Variants in LRR1 observed in about 807,000 individuals in gnomAD.
The protein encoded by LRR1 is leucine-rich repeat protein 1.
A neutral mutation model predicts 31.6 loss-of-function variants in LRR1; 29 were observed. That is an observed-to-expected ratio of 0.92 (90% CI 0.68 to 1.25). The LOEUF (loss-of-function observed/expected upper bound fraction) is 1.25. Ranked by LOEUF, LRR1 falls within the 50% of genes most tolerant of loss-of-function variation. The probability of loss-of-function intolerance (pLI) is 0.00; values close to 1 mark genes in which losing one functional copy is unlikely to be tolerated. For missense variants in LRR1, 485 were observed against 487.2 expected, an observed-to-expected ratio of 1.00 and a Z score of 0.04; for synonymous variants, 179 against 181.4, an observed-to-expected ratio of 0.99 and a Z score of 0.10.
chr14:49,602,211 G>A (rs893357074), intron 1 of LRR1, among the ~76,000 whole-genome samples, 159 bp from the exon 2 acceptor site: 3 of 145,110 alleles, frequency 2.1e-5, no homozygotes, highest in African/African-American at 5.2e-5. Flanking sequence ...GTGCAGTGGC[G>A]TGATAAAAAG....
intron 3 of LRR1, 120 bp downstream of exon 3, chr14:49,608,241 A>G (rs1882362106): frequency 8.5e-6 from 9 of 1,053,878 alleles, no homozygotes; most frequent in South Asian, 8.5e-5. Context: ...ACCCTTTGCT[A>G]TAATGGTCTT....
Position 49,614,631 on chromosome 14 carries a change from T to G in LRR1, c.*135T>G. 8.2e-7 allele frequency: 1 copy of G among 1,223,842 alleles called. No individual in the cohort carries two copies. Among genetic ancestry groups the G allele is most frequent in the Non-Finnish European group, 1.2e-6 (1 of 848,832 alleles). The allele number at this position is 1,223,842 out of a possible 1,614,324, so 75.8% of individuals were successfully genotyped here. On this transcript the variant is annotated 3_prime_UTR_variant, in exon 4 of 4. Transcript: ENST00000298288. ...GGAGGAATGTGTATAGTTACTCATT[T>G]AGATGACTCCAAAACTTTTATTAAA...
At chr14:49,601,099 A>G in intron 1 of LRR1, 5 of 1,611,350 alleles carry the variant, frequency 3.1e-6, no homozygotes, top group Non-Finnish European at 4.2e-6. Context: ...GGTCGCTCCA[A>G]GCGTACAGGA....
In LRR1 at chr14:49,608,114, C is replaced by A; in HGVS notation, c.997C>A (p.His333Asn). ...LLESSARTILHNRIPYGSHII... is the reference protein window; with the variant it reads ...LLESSARTILNNRIPYGSHII... ...GGAATCTTCTGCACGAACCATATTA[C>A]ATAATAGGTAAGATTTTAATAGTCA... The change falls in exon 3 of 4, where the codon CAT becomes AAT. Residue 333 changes from histidine (H) to asparagine (N), a missense_variant. Coordinates refer to ENST00000298288, the MANE Select transcript of LRR1 (RefSeq NM_152329.4). 1.9e-6 allele frequency: 3 copies of A among 1,559,562 alleles called. No individual in the cohort carries two copies. Among genetic ancestry groups the A allele is most frequent in the Non-Finnish European group, 2.6e-6 (3 of 1,159,140 alleles).
intron 2 of LRR1, among the ~76,000 whole-genome samples, chr14:49,605,280 A>C (rs1453725565): frequency 2.0e-5 from 3 of 152,108 alleles, no homozygotes; most frequent in Non-Finnish European, 4.4e-5. Context: ...GAATGGAATA[A>C]TTTTGTCCCA....
intron 3 of LRR1, among the ~76,000 whole-genome samples, chr14:49,610,248 T>G (rs1157074330): frequency 4.8e-5 from 1 of 20,856 alleles, no homozygotes; most frequent in Non-Finnish European, 2.4e-4. Flanking sequence ...TTGTTGAGGG[T>G]TTTTTTTTTT....
At chr14:49,613,199 C>T (rs1442264285) in intron 3 of LRR1, among the ~76,000 whole-genome samples, 4 of 152,026 alleles carry the variant, frequency 2.6e-5, no homozygotes, top group African/African-American at 9.7e-5. Context: ...ATTAGCCAGG[C>T]GTGGTGGCGG....
chr14:49,609,571 A>AT (rs889887517), intron 3 of LRR1, among the ~76,000 whole-genome samples: 24 of 150,102 alleles, frequency 1.6e-4, no homozygotes, highest in East Asian at 9.9e-4. Context: ...CACCTGGCTA[A>AT]TTTTTTTTTG....
intron 2 of LRR1, chr14:49,603,605 A>G (rs1882161423): frequency 1.9e-6 from 2 of 1,068,950 alleles, no homozygotes; most frequent in East Asian, 2.0e-4. Context: ...AGCTTGGTTC[A>G]CTGCAACCCA....
Position 49,607,967 on chromosome 14 carries a change from CT to C in LRR1, c.852del (p.Pro285HisfsTer30). The C allele has an allele frequency of 1.2e-6, 2 of 1,614,100 alleles. No individual in the cohort carries two copies. The highest frequency in any genetic ancestry group is 1.7e-6 in the Non-Finnish European group (2 of 1,180,020). ...LRFLSAARNK[L>X]PFLPSEFRNL... is the part of the protein sequence containing the mutation. Reference sequence around the variant, plus strand: ...CTTTTTGTCAGCAGCTCGAAATAAGCTTCCATTTTTGCCTAGTGAATTTAGA... The same window carrying C: ...CTTTTTGTCAGCAGCTCGAAATAAGCTCCATTTTTGCCTAGTGAATTTAGA... On this transcript the variant is annotated frameshift_variant, in exon 3 of 4. Transcript: ENST00000298288. LOFTEE classifies it high-confidence loss of function.
chr14:49,601,521 ATG>A (rs1331149420), intron 1 of LRR1: 1 of 864,346 alleles, frequency 1.2e-6, no homozygotes, highest in African/African-American at 1.7e-5. Context: ...AGCACTCATT[ATG>A]TGTCAGTCAT....
intron 2 of LRR1, among the ~76,000 whole-genome samples, chr14:49,602,963 G>A (rs1410047754): frequency 6.6e-6 from 1 of 151,332 alleles, no homozygotes; most frequent in Non-Finnish European, 1.5e-5. Context: ...AGCCTCCCGA[G>A]TAGCTGGGAT....
intron 2 of LRR1, among the ~76,000 whole-genome samples, chr14:49,606,041 T>A (rs890945780): frequency 6.7e-5 from 10 of 150,094 alleles, no homozygotes; most frequent in Middle Eastern, 3.2e-3. Context: ...TTCTTTTTTT[T>A]TTTTTTATAT....
chr14:49,606,633 C>G (rs1206096272), intron 2 of LRR1, among the ~76,000 whole-genome samples: 1 of 148,962 alleles, frequency 6.7e-6, no homozygotes, highest in African/African-American at 2.5e-5. Flanking sequence ...GTCACTACAC[C>G]TGGCCTTAAA....
Position 49,602,420 on chromosome 14 carries a change from A to G in LRR1, c.234A>G (p.Lys78=). 1 of 1,614,034 alleles carries G rather than the reference A, an allele frequency of 6.2e-7. No individual in the cohort carries two copies. The highest frequency in any genetic ancestry group is 2.2e-5 in the East Asian group (1 of 44,868). ...TCACCAAATTTGTAGATGAGGGGAA[A>G]GCCACTGTTCGGTTAAAGGAGCCTC... ...QFFTKFVDEG[K]ATVRLKEPPV... The change falls in exon 2 of 4, where the codon AAA becomes AAG. Residue 78 remains lysine, a synonymous_variant. Coordinates refer to ENST00000298288, the MANE Select transcript of LRR1 (RefSeq NM_152329.4).
Position 49,601,880 on chromosome 14 carries a change from C to T in LRR1, c.184-490C>T, listed in dbSNP as rs187629236. Among the ~76,000 whole-genome samples, 45 of 150,928 alleles carry T rather than the reference C, an allele frequency of 3.0e-4. No homozygotes were observed. In the East Asian group the frequency reaches 8.5e-3, roughly 29 times the overall value. ...ACGCGCCGTGGCTCATGCCTGTAAT[C>T]CCAGCACTTTGGTAGGCCCAGGCAG... is the stretch of plus-strand genomic sequence containing the variant. On this transcript the variant is annotated intron_variant, in intron 1 of 3. Transcript: ENST00000298288.
At chr14:49,601,450 T>C in intron 1 of LRR1, 1 of 537,944 alleles carries the variant, frequency 1.9e-6, no homozygotes. Flanking sequence ...CAGCAATCAT[T>C]AATTTTTTTT....
chr14:49,611,465 G>T (rs1056553061), intron 3 of LRR1, among the ~76,000 whole-genome samples: 1 of 152,054 alleles, frequency 6.6e-6, no homozygotes. Flanking sequence ...TGCAGATTGA[G>T]ACTCCGTCTC....
Position 49,607,454 on chromosome 14 carries a change from G to A in LRR1, c.337G>A (p.Gly113Ser). The A allele has an allele frequency of 1.2e-6, 2 of 1,611,064 alleles. No individual in the cohort carries two copies. Among genetic ancestry groups the A allele is most frequent in the Non-Finnish European group, 1.7e-6 (2 of 1,178,962 alleles). ...FLSAMRLAHR[G>S]CNVDTPVSTL... ...TTCAGCTATGAGACTGGCTCATAGA[G>A]GCTGTAATGTTGATACACCAGTTTC... The change falls in exon 3 of 4, where the codon GGC (glycine) becomes AGC (serine). Residue 113 changes from glycine (G) to serine (S), a missense_variant. Gly to Ser is a moderately conservative substitution (Grantham distance 56). Coordinates refer to ENST00000298288, the MANE Select transcript of LRR1 (RefSeq NM_152329.4).
Sources: allele counts gnomAD v4.1 joint callset (sites outside exome capture counted in the v4.1 genomes callset), GRCh38; gene constraint gnomAD v4.1.1; transcripts MANE v1.5; gene names NCBI Gene and HGNC (gene_info 2026-07-23, HGNC 2026-07-21).